Variants in CALU observed in about 807,000 individuals in gnomAD.
The protein encoded by CALU is calumenin, also known as IEF SSP 9302.
Under a neutral mutation model 37.5 loss-of-function variants are expected in CALU, and 13 were observed. The observed-to-expected ratio is 0.35, with a 90% CI of 0.23 to 0.55. The LOEUF is 0.55. Among genes scored for constraint, CALU ranks in the 20% least tolerant of loss-of-function variants. CALU has a pLI of 0.89. For missense variants in CALU, 282 were observed against 391.7 expected (o/e 0.72, Z 2.36); for synonymous variants, 114 against 133.8 (o/e 0.85, Z 1.02).
At chr7:128,759,139 A>G (rs1472359315) in intron 4 of CALU, 102 bp downstream of exon 4, 5 of 788,536 alleles carry the variant, frequency 6.3e-6, no homozygotes, top group Non-Finnish European at 8.1e-6. Flanking sequence ...ATATATATAT[A>G]TGCTATATAG....
intron 1 of CALU, among the ~76,000 whole-genome samples, chr7:128,740,622 C>T (rs1179845481): frequency 8.2e-6 from 1 of 122,178 alleles, no homozygotes; most frequent in Non-Finnish European, 1.6e-5. Flanking sequence ...ATGAGTTTGC[C>T]AAGACCTAAT....
At chr7:128,746,512 G>A (rs1308808653) in intron 1 of CALU, among the ~76,000 whole-genome samples, 1 of 151,814 alleles carries the variant, frequency 6.6e-6, no homozygotes, top group Non-Finnish European at 1.5e-5. Context: ...GGAGTGCAGT[G>A]GTACAATCTC....
chr7:128,749,714 A>T (rs1200269820), intron 2 of CALU, among the ~76,000 whole-genome samples: 10 of 152,120 alleles, frequency 6.6e-5, no homozygotes, highest in Non-Finnish European at 1.5e-4. Context: ...GTATTTTTTC[A>T]TTGGGTTATC....
At chr7:128,745,498 G>A (rs1800397669) in intron 1 of CALU, among the ~76,000 whole-genome samples, 2 of 151,838 alleles carry the variant, frequency 1.3e-5, no homozygotes, top group South Asian at 4.2e-4. Flanking sequence ...CCAGCTACTT[G>A]GGAGGCTGAA....
At position 128,752,617 on chromosome 7, in the gene CALU, A is replaced by G. The variant is rs933715533; in HGVS notation, c.222-1645A>G. ...CATCTGTGAATAGTGTTAAAATTCTACAGGACTAAAGTTACAACAACAAAA... is the reference window on the plus strand; with the variant it reads ...CATCTGTGAATAGTGTTAAAATTCTGCAGGACTAAAGTTACAACAACAAAA... On this transcript the variant is annotated intron_variant, in intron 2 of 6. Transcript: ENST00000249364. Among the ~76,000 whole-genome samples the G allele has an allele frequency of 1.3e-5, 2 of 152,246 alleles. 1 individual carries two copies. Among genetic ancestry groups the G allele is most frequent in the Non-Finnish European group, 2.9e-5 (2 of 68,042 alleles).
rs1235043646 is a variant in CALU, at chr7:128,748,573, A to T, written c.-11A>T. ...TTAACTGCTTTTCATTTTCTTCAAG[A>T]TCTAATTATCATGGACCTGCGACAG... On this transcript the variant is annotated splice_region_variant and 5_prime_UTR_variant, in exon 2 of 7. Coordinates refer to ENST00000249364, the MANE Select transcript of CALU (RefSeq NM_001219.5). 2 of 1,608,348 alleles carry T rather than the reference A, an allele frequency of 1.2e-6. No individual in the cohort carries two copies. Among genetic ancestry groups the T allele is most frequent in the African/African-American group, 2.7e-5 (2 of 74,684 alleles).
intron 5 of CALU, among the ~76,000 whole-genome samples, chr7:128,763,985 C>T (rs1801224702): frequency 6.6e-6 from 1 of 152,214 alleles, no homozygotes; most frequent in African/African-American, 2.4e-5. Context: ...AATGCAGGTA[C>T]ACTTAACTTA....
rs771713826 is a variant in CALU at position 128,759,002 on chromosome 7, G to A, written c.547G>A (p.Glu183Lys). The A allele has an allele frequency of 6.2e-7, 1 of 1,613,996 alleles. No individual in the cohort carries two copies. The highest frequency in any genetic ancestry group is 8.5e-7 in the Non-Finnish European group (1 of 1,179,918). ...GGAGTTCACAGCTTTCCTGCACCCTGAGGAGTATGACTACATGAAAGATAT... is the reference window on the plus strand; with the variant it reads ...GGAGTTCACAGCTTTCCTGCACCCTAAGGAGTATGACTACATGAAAGATAT... Reference protein sequence around the residue: ...KEEFTAFLHPEEYDYMKDIVV... With the variant: ...KEEFTAFLHPKEYDYMKDIVV... The change falls in exon 4 of 7, where the codon GAG becomes AAG. Residue 183 changes from glutamate to lysine, a missense_variant. By Grantham distance (56) the Glu-to-Lys change is moderately conservative (BLOSUM62 1). Transcript: ENST00000249364.
At chr7:128,742,061 G>A (rs1055163005) in intron 1 of CALU, among the ~76,000 whole-genome samples, 5 of 152,124 alleles carry the variant, frequency 3.3e-5, no homozygotes, top group Admixed American at 6.6e-5. Context: ...ATGTATTGAT[G>A]AACAGATGTA....
chr7:128,762,190 A>G lies in CALU; in HGVS notation c.643+2338A>G, dbSNP rs137970227. Among the ~76,000 whole-genome samples, 115 of 151,982 alleles carry G rather than the reference A, an allele frequency of 7.6e-4. 1 individual carries two copies. Among genetic ancestry groups the G allele is most frequent in the African/African-American group, 2.6e-3 (109 of 41,528 alleles). On this transcript the variant is annotated intron_variant, in intron 5 of 6. Coordinates refer to ENST00000249364, the MANE Select transcript of CALU (RefSeq NM_001219.5). ...CTTTTGCCATTTTATTGCCATTGCT[A>G]AAACTGAGGAACTCATTTGAACCTC...
intron 1 of CALU, among the ~76,000 whole-genome samples, chr7:128,741,726 C>T (rs906626804): frequency 2.2e-4 from 33 of 152,210 alleles, no homozygotes; most frequent in Admixed American, 3.9e-4. Flanking sequence ...TACACATGCA[C>T]AGCAAAATTA....
rs1006226349 is a variant in CALU at position 128,743,783 on chromosome 7, C to G, written c.-12+4351C>G. On this transcript the variant is annotated intron_variant, in intron 1 of 6. Transcript: ENST00000249364. ...CCCTCCAAAGTGCTGGGATTACAGG[C>G]TTGAGCCACTGCTGCTGGCCCAGTC... Among the ~76,000 whole-genome samples the G allele has an allele frequency of 5.9e-5, 9 of 152,148 alleles. No homozygotes were observed. In the South Asian group the frequency reaches 1.9e-3, roughly 31 times the overall value.
chr7:128,748,427 G>T lies in CALU; in HGVS notation c.-11-146G>T, dbSNP rs1800528887. 3.9e-6 allele frequency: 5 copies of T among 1,281,902 alleles called. No homozygotes were observed. The South Asian group carries it at 4.1e-5, about 11-fold the overall frequency. 79.4% of individuals were successfully genotyped at this position (1,281,902 alleles called of 1,614,324 possible). A position where few individuals can be genotyped will look rare whatever the true frequency, so the allele number is the denominator to read the frequency against. ...GATATTCCACCATACTTATTTTATG[G>T]ATGAAGTAATATTTGGGATAATATA... is the stretch of plus-strand genomic sequence containing the variant. On this transcript the variant is annotated intron_variant, in intron 1 of 6. Transcript: ENST00000249364.
At position 128,743,515 on chromosome 7, in the gene CALU, CT is replaced by C. The variant is rs1008312171; in HGVS notation, c.-12+4093del. Among the ~76,000 whole-genome samples the C allele has an allele frequency of 2.2e-3, 329 of 149,320 alleles. 2 individuals carry two copies. Among genetic ancestry groups the C allele is most frequent in the African/African-American group, 5.7e-3 (231 of 40,766 alleles). On this transcript the variant is annotated intron_variant, in intron 1 of 6. Transcript: ENST00000249364. ...TTTGGACAAAAGTATCCAATTTAAA[CT>C]TTTTTTTTTCTTTTTCTTTTTTTGA...
chr7:128,759,895 G>A (rs1403698102), intron 5 of CALU, 43 bp downstream of exon 5: 3 of 1,009,552 alleles, frequency 3.0e-6, no homozygotes, highest in Admixed American at 3.4e-5. Context: ...AAGCTGAGAA[G>A]CTTTGAAAGG....
chr7:128,766,837 C>T lies in CALU; in HGVS notation c.644-619C>T, dbSNP rs547939514. On this transcript the variant is annotated intron_variant, in intron 5 of 6. Transcript: ENST00000249364. Reference sequence around the variant, plus strand: ...TAGTTTCAAAATGGTTGAAAATATGCCTTTCTTTTATAAAGTGGGACAAGG... The same window carrying T: ...TAGTTTCAAAATGGTTGAAAATATGTCTTTCTTTTATAAAGTGGGACAAGG... Among the ~76,000 whole-genome samples the T allele has an allele frequency of 5.2e-4, 79 of 152,160 alleles. No individual in the cohort carries two copies. In the South Asian group the frequency reaches 0.012, roughly 24 times the overall value.
At chr7:128,767,196 T>A (rs1801369729) in intron 5 of CALU, among the ~76,000 whole-genome samples, 1 of 152,176 alleles carries the variant, frequency 6.6e-6, no homozygotes, top group African/African-American at 2.4e-5. Flanking sequence ...CTCCTCTTAT[T>A]TCTGCATTTA....
Position 128,772,755 on chromosome 7 carries a change from C to CT in CALU, c.*3591dup. ...TGTATCACCAAAGCCTTGCACAATG[C>CT]TTTGTACCCAGAATGCCCTTAGGTG... On this transcript the variant is annotated 3_prime_UTR_variant, in exon 7 of 7. Transcript: ENST00000249364. 1 of 1,533,128 alleles carries CT rather than the reference C, an allele frequency of 6.5e-7. No individual in the cohort carries two copies. 95.0% of individuals were successfully genotyped at this position (1,533,128 alleles called of 1,614,324 possible). A position where few individuals can be genotyped will look rare whatever the true frequency, so the allele number is the denominator to read the frequency against.
intron 2 of CALU, among the ~76,000 whole-genome samples, chr7:128,749,734 A>G (rs1276638498): frequency 6.6e-6 from 1 of 152,194 alleles, no homozygotes; most frequent in Non-Finnish European, 1.5e-5. Context: ...CTACTGACTG[A>G]AGGGTACAAT....
Sources: allele counts gnomAD v4.1 joint callset (sites outside exome capture counted in the v4.1 genomes callset), GRCh38; gene constraint gnomAD v4.1.1; transcripts MANE v1.5; gene names NCBI Gene and HGNC (gene_info 2026-07-23, HGNC 2026-07-21).